The following TENM1 variants were observed in gnomAD, a reference collection of about 807,000 sequenced individuals.
The protein encoded by TENM1 is teneurin-1.
A neutral mutation model predicts 174.8 loss-of-function variants in TENM1; 35 were observed. The ratio of observed to expected loss-of-function variants is 0.20; its 90% CI spans 0.15 to 0.27. TENM1 has a LOEUF of 0.27. Ranked by LOEUF, TENM1 falls within the 10% of genes least tolerant of loss-of-function variation. TENM1 has a pLI of 1.00. For synonymous variants in TENM1, 781 were observed against 798.7 expected (o/e 0.98, Z 0.37); for missense variants, 1,633 against 2,130.1 (o/e 0.77, Z 4.59).
At chrX:124,584,485 TGA>T (rs2049432691) in intron 11 of TENM1, among the ~76,000 whole-genome samples, 1 of 105,046 alleles carries the variant, frequency 9.5e-6, no homozygotes, top group African/African-American at 3.4e-5. Context: ...AAGCAAATGC[TGA>T]GAGATTTTGT....
At chrX:124,512,415 C>T (rs1326772163) in intron 18 of TENM1, among the ~76,000 whole-genome samples, 1 of 111,553 alleles carries the variant, frequency 9.0e-6, no homozygotes, top group Non-Finnish European at 1.9e-5. Context: ...AAAACGCTCA[C>T]ATGGAGTTTT....
intron 1 of TENM1, among the ~76,000 whole-genome samples, chrX:124,951,929 G>A (rs1162813880): frequency 9.1e-6 from 1 of 109,647 alleles, no homozygotes; most frequent in Admixed American, 9.9e-5. Flanking sequence ...CTGGTCCATT[G>A]GCCAGATGCT....
Position 124,420,178 on chromosome X carries a change from T to C in TENM1, c.4982+133A>G, listed in dbSNP as rs188347192. ...ATTAGGTAAAATTTTCTCCTTGACT[T>C]TTCATTTTTTAAAATGGTGGTTGTT... On this transcript the variant is annotated intron_variant, in intron 25 of 31. Transcript: ENST00000422452. The C allele has an allele frequency of 6.3e-5, 52 of 820,125 alleles. No homozygotes were observed. In the East Asian group the frequency reaches 1.7e-3, roughly 26 times the overall value. The allele number at this position is 820,125 out of a possible 1,213,427, so 67.6% of individuals were successfully genotyped here.
At chrX:124,974,389 C>T in the TENM1 span, among the ~76,000 whole-genome samples, 3 of 111,646 alleles carry the variant, frequency 2.7e-5, no homozygotes, top group Non-Finnish European at 5.6e-5. Flanking sequence ...GTTCTATTAA[C>T]ATTTTAAAAC....
chrX:124,944,994 A>T (rs2058381035), intron 1 of TENM1, among the ~76,000 whole-genome samples: 1 of 110,915 alleles, frequency 9.0e-6, no homozygotes, highest in East Asian at 2.8e-4. Context: ...AAAATGTCCC[A>T]GTTTAGACAA....
At chrX:124,665,836 C>T (rs2051746928) in intron 6 of TENM1, among the ~76,000 whole-genome samples, 1 of 112,017 alleles carries the variant, frequency 8.9e-6, no homozygotes, top group Non-Finnish European at 1.9e-5. Context: ...TCTGGAGAAA[C>T]TTGGCTTTTA....
intron 27 of TENM1, among the ~76,000 whole-genome samples, chrX:124,399,012 A>G (rs2060369915): frequency 8.9e-6 from 1 of 112,623 alleles, no homozygotes; most frequent in African/African-American, 3.2e-5. Flanking sequence ...TTACAATCAC[A>G]TACAACTAGT....
At chrX:124,606,940 G>A (rs753781273) in intron 11 of TENM1, among the ~76,000 whole-genome samples, 1 of 110,174 alleles carries the variant, frequency 9.1e-6, no homozygotes, top group Admixed American at 9.7e-5. Flanking sequence ...AAGAAGAGAA[G>A]GAATAAGAGG....
At chrX:124,875,141 T>C (rs2057176312) in intron 3 of TENM1, among the ~76,000 whole-genome samples, 1 of 111,587 alleles carries the variant, frequency 9.0e-6, no homozygotes, top group Non-Finnish European at 1.9e-5. Flanking sequence ...CTGAGACTTA[T>C]TTAAGAAAAA....
At chrX:124,642,847 G>A (rs1330665717) in intron 10 of TENM1, among the ~76,000 whole-genome samples, 2 of 112,378 alleles carry the variant, frequency 1.8e-5, no homozygotes, top group Non-Finnish European at 3.8e-5. Context: ...CAAATAAAAT[G>A]AGACTAAAAT....
intron 27 of TENM1, among the ~76,000 whole-genome samples, chrX:124,393,134 C>G (rs775822235): frequency 8.1e-5 from 9 of 111,313 alleles, no homozygotes; most frequent in Non-Finnish European, 1.7e-4. Flanking sequence ...CCAGAGTGAT[C>G]CTGATTCAAG....
intron 11 of TENM1, among the ~76,000 whole-genome samples, chrX:124,627,589 T>C (rs1191378574): frequency 8.9e-6 from 1 of 111,738 alleles, no homozygotes; most frequent in African/African-American, 3.3e-5. Context: ...GCCACCTCTG[T>C]CCATGTCCCT....
chrX:125,036,335 C>T, the TENM1 span, among the ~76,000 whole-genome samples: 1 of 111,703 alleles, frequency 9.0e-6, no homozygotes, highest in East Asian at 2.8e-4. Context: ...AATAAAGCAT[C>T]GTGGCTTTGC....
chrX:124,618,314 C>A (rs919370496), intron 11 of TENM1, among the ~76,000 whole-genome samples: 1 of 111,986 alleles, frequency 8.9e-6, no homozygotes, highest in African/African-American at 3.2e-5. Flanking sequence ...TTTATTGAGG[C>A]ATCAATACCA....
chrX:125,125,221 C>T, the TENM1 span, among the ~76,000 whole-genome samples: 1 of 111,940 alleles, frequency 8.9e-6, no homozygotes, highest in Non-Finnish European at 1.9e-5. Flanking sequence ...TTTGATCCTG[C>T]CAATAAATCG....
At chrX:124,931,860 G>A (rs1393468217) in intron 1 of TENM1, among the ~76,000 whole-genome samples, 3 of 102,966 alleles carry the variant, frequency 2.9e-5, no homozygotes, top group Non-Finnish European at 2.0e-5. Flanking sequence ...GAGGGAGGAC[G>A]CCAAGCGCAC....
At chrX:125,069,027 T>C in the TENM1 span, among the ~76,000 whole-genome samples, 1 of 111,522 alleles carries the variant, frequency 9.0e-6, no homozygotes, top group Non-Finnish European at 1.9e-5. Context: ...TTGTTTGTTT[T>C]AGATGCAGGG....
At chrX:124,828,438 T>C (rs2056217107) in intron 3 of TENM1, among the ~76,000 whole-genome samples, 1 of 112,610 alleles carries the variant, frequency 8.9e-6, no homozygotes, top group Admixed American at 9.4e-5. Flanking sequence ...AAATTTATTT[T>C]CTAGTGAGCA....
intron 3 of TENM1, among the ~76,000 whole-genome samples, chrX:124,774,790 G>C (rs910120158): frequency 2.7e-5 from 3 of 111,143 alleles, no homozygotes; most frequent in Admixed American, 9.6e-5. Flanking sequence ...TTTGGTTCAA[G>C]GGGTCTCCAT....
Sources: gnomAD v4.1 joint callset for allele counts (sites outside exome capture counted in the v4.1 genomes callset) on GRCh38, gnomAD v4.1.1 for gene constraint, MANE v1.5 for transcripts, NCBI Gene and HGNC (gene_info 2026-07-23, HGNC 2026-07-21) for gene names.